The following TMEM108 variants were observed in gnomAD, a reference collection of about 807,000 sequenced individuals.
The protein encoded by TMEM108 is cancer/testis antigen 124.
In TMEM108, 12 loss-of-function variants were observed where a neutral mutation model predicts 35.1. That is an observed-to-expected ratio of 0.34 (90% CI 0.22 to 0.55). TMEM108 has a LOEUF of 0.55. Among genes scored for constraint, TMEM108 ranks in the 20% least tolerant of loss-of-function variants. The pLI is 0.89. For synonymous variants in TMEM108, 287 were observed against 308.6 expected, an observed-to-expected ratio of 0.93 and a Z score of 0.73; for missense variants, 680 against 753.3, an observed-to-expected ratio of 0.90 and a Z score of 1.14.
At chr3:133,079,957 T>C (rs1943789102) in intron 2 of TMEM108, among the ~76,000 whole-genome samples, 1 of 152,110 alleles carries the variant, frequency 6.6e-6, no homozygotes, top group African/African-American at 2.4e-5. Flanking sequence ...CTCACTCCAA[T>C]GCTTGGGGTG....
intron 2 of TMEM108, among the ~76,000 whole-genome samples, chr3:133,206,651 G>C (rs1203165245): frequency 6.6e-6 from 1 of 152,224 alleles, no homozygotes; most frequent in African/African-American, 2.4e-5. Flanking sequence ...AGCAAAGATT[G>C]CTGCCTGTTC....
intron 3 of TMEM108, among the ~76,000 whole-genome samples, chr3:133,338,409 A>G (rs1469836541): frequency 3.9e-5 from 6 of 152,194 alleles, no homozygotes; most frequent in Non-Finnish European, 4.4e-5. Flanking sequence ...TGACATATTT[A>G]AAGTACTGAA....
chr3:133,174,177 G>A (rs1023534714), intron 2 of TMEM108, among the ~76,000 whole-genome samples: 7 of 152,234 alleles, frequency 4.6e-5, no homozygotes, highest in South Asian at 4.1e-4. Context: ...CAAAGCAGCC[G>A]GGAAGCTCAA....
intron 3 of TMEM108, among the ~76,000 whole-genome samples, chr3:133,372,374 A>G (rs75854002): frequency 5.1e-4 from 78 of 152,294 alleles, no homozygotes; most frequent in African/African-American, 1.7e-3. Flanking sequence ...TGTGGAGATG[A>G]TGGGGGACTT....
At chr3:133,312,160 G>A (rs1485220012) in intron 3 of TMEM108, among the ~76,000 whole-genome samples, 2 of 152,240 alleles carry the variant, frequency 1.3e-5, no homozygotes, top group East Asian at 1.9e-4. Flanking sequence ...CTACTGGGAG[G>A]TATCTCCCAG....
At chr3:133,127,988 T>C (rs1006485209) in intron 2 of TMEM108, among the ~76,000 whole-genome samples, 2 of 152,228 alleles carry the variant, frequency 1.3e-5, no homozygotes, top group Non-Finnish European at 2.9e-5. Context: ...ATATAATCAC[T>C]CTGTGGTGAA....
intron 3 of TMEM108, among the ~76,000 whole-genome samples, chr3:133,335,879 A>C (rs2071488238): frequency 6.6e-6 from 1 of 152,156 alleles, no homozygotes; most frequent in Non-Finnish European, 1.5e-5. Context: ...CGGCACGGAG[A>C]AAGAATCTGT....
intron 2 of TMEM108, among the ~76,000 whole-genome samples, chr3:133,170,217 A>G (rs1168308268): frequency 6.6e-6 from 1 of 152,242 alleles, no homozygotes; most frequent in Non-Finnish European, 1.5e-5. Flanking sequence ...CAGTTTACAT[A>G]ACTGTTATAG....
chr3:133,235,970 T>G (rs901639556), intron 3 of TMEM108, among the ~76,000 whole-genome samples: 3 of 152,158 alleles, frequency 2.0e-5, no homozygotes, highest in African/African-American at 4.8e-5. Flanking sequence ...AGTCTTGATT[T>G]AGCAGATGTG....
chr3:133,298,261 A>G (rs1947173039), intron 3 of TMEM108, among the ~76,000 whole-genome samples: 1 of 152,178 alleles, frequency 6.6e-6, no homozygotes, highest in Non-Finnish European at 1.5e-5. Flanking sequence ...CAGCTCTGCC[A>G]GAAGGACCAA....
At chr3:133,368,868 G>A (rs904585915) in intron 3 of TMEM108, among the ~76,000 whole-genome samples, 2 of 152,150 alleles carry the variant, frequency 1.3e-5, no homozygotes, top group Admixed American at 1.3e-4. Context: ...AGATGGCTCC[G>A]TTCAAGAACT....
chr3:133,048,533 T>A (rs887016054), intron 2 of TMEM108, among the ~76,000 whole-genome samples: 12 of 152,222 alleles, frequency 7.9e-5, no homozygotes, highest in Admixed American at 7.9e-4. Context: ...ATTATTTTAA[T>A]TAAAAGGCTC....
chr3:133,071,994 G>GT (rs1182226903), intron 2 of TMEM108, among the ~76,000 whole-genome samples: 1 of 152,114 alleles, frequency 6.6e-6, no homozygotes, highest in African/African-American at 2.4e-5. Flanking sequence ...TTGATTTCTG[G>GT]TATATGATGT....
At chr3:133,179,809 A>T (rs553214239) in intron 2 of TMEM108, among the ~76,000 whole-genome samples, 240 of 151,828 alleles carry the variant, frequency 1.6e-3, no homozygotes, top group South Asian at 4.8e-3. Flanking sequence ...AGTATAATAA[A>T]AAAATAAAAT....
intron 2 of TMEM108, among the ~76,000 whole-genome samples, chr3:133,172,809 AC>A (rs1265291430): frequency 8.5e-5 from 13 of 152,152 alleles, no homozygotes; most frequent in African/African-American, 3.1e-4. Flanking sequence ...TGCAGGAGGG[AC>A]CTGGTGGGAA....
Position 133,254,249 on chromosome 3 carries a change from A to G in TMEM108, c.40+24898A>G, listed in dbSNP as rs1576414381. On this transcript the variant is annotated intron_variant, in intron 3 of 5. Transcript: ENST00000321871. ...CCTAGGAAAATTTCATCTATAACAA[A>G]GGCAGCCAGTGAACAAACCTATTGG... is the stretch of plus-strand genomic sequence containing the variant. Among the ~76,000 whole-genome samples, 6 of 152,206 alleles carry G rather than the reference A, an allele frequency of 3.9e-5. No homozygotes were observed. The South Asian group carries it at 1.2e-3, about 32-fold the overall frequency.
intron 3 of TMEM108, among the ~76,000 whole-genome samples, chr3:133,293,032 C>T (rs557935125): frequency 1.3e-5 from 2 of 152,232 alleles, no homozygotes; most frequent in South Asian, 4.1e-4. Context: ...ATTCTATAAA[C>T]ATAATATTCT....
At chr3:133,309,023 T>C (rs1160229067) in intron 3 of TMEM108, among the ~76,000 whole-genome samples, 3 of 152,206 alleles carry the variant, frequency 2.0e-5, no homozygotes, top group Non-Finnish European at 2.9e-5. Flanking sequence ...CTATTAATTA[T>C]TGCCTCAATT....
At chr3:133,229,822 T>G (rs1576397613) in intron 3 of TMEM108, among the ~76,000 whole-genome samples, 1 of 152,358 alleles carries the variant, frequency 6.6e-6, no homozygotes, top group African/African-American at 2.4e-5. Context: ...TAAAATGTTA[T>G]GCATAGCTAT....
Sources: gnomAD v4.1 joint callset for allele counts (sites outside exome capture counted in the v4.1 genomes callset) on GRCh38, gnomAD v4.1.1 for gene constraint, MANE v1.5 for transcripts, NCBI Gene and HGNC (gene_info 2026-07-23, HGNC 2026-07-21) for gene names.